The following CAMSAP1 variants were observed in gnomAD, a reference collection of about 807,000 sequenced individuals.
CAMSAP1 encodes the protein calmodulin regulated spectrin associated protein 1, also known as calmodulin-regulated spectrin-associated protein 1.
In CAMSAP1, 58 loss-of-function variants were observed where a neutral mutation model predicts 143.5. The ratio of observed to expected loss-of-function variants is 0.40; its 90% CI spans 0.33 to 0.50. CAMSAP1 has a LOEUF of 0.50. Among genes scored for constraint, CAMSAP1 ranks in the 20% least tolerant of loss-of-function variants. The pLI is 0.45. For synonymous variants in CAMSAP1, 945 were observed against 859.3 expected, an observed-to-expected ratio of 1.10 and a Z score of -1.74; for missense variants, 1,969 against 2,115.7, an observed-to-expected ratio of 0.93 and a Z score of 1.36.
rs766113695 is a variant in CAMSAP1 at position 135,827,538 on chromosome 9, G to T, written c.1092C>A (p.Ile364=). ...GGAAACTGCGTTTGGTCGCGTTGGA[G>T]ATCGGTACAGGAGGCCGGCTGCTCT... The part of the protein sequence containing the change: ...HQKSSRPPVP[I]SNATKRSFLG... The change falls in exon 8 of 17, where the codon ATC becomes ATA. Residue 364 remains isoleucine, a synonymous_variant. Transcript: ENST00000389532. 1.9e-5 allele frequency: 31 copies of T among 1,612,254 alleles called. No homozygotes were observed. Among genetic ancestry groups the T allele is most frequent in the Non-Finnish European group, 2.6e-5 (31 of 1,178,630 alleles).
intron 7 of CAMSAP1, among the ~76,000 whole-genome samples, chr9:135,841,308 T>A (rs1426589240): frequency 6.6e-6 from 1 of 152,136 alleles, no homozygotes. Context: ...AGATTCCTCC[T>A]CTCTGAGCAG....
chr9:135,874,426 C>T (rs993294491), intron 3 of CAMSAP1, among the ~76,000 whole-genome samples: 11 of 133,978 alleles, frequency 8.2e-5, no homozygotes, highest in Non-Finnish European at 9.2e-5. Flanking sequence ...GAGCTATGAT[C>T]GTACCACCTG....
At position 135,850,310 on chromosome 9, in the gene CAMSAP1, A is replaced by G; in HGVS notation, c.948+12T>C. 2 of 1,610,354 alleles carry G rather than the reference A, an allele frequency of 1.2e-6. No homozygotes were observed. Among genetic ancestry groups the G allele is most frequent in the Non-Finnish European group, 8.5e-7 (1 of 1,178,256 alleles). ...TGGTTTTAAAACTGCATGCCAAATA[A>G]TTCGTTATTACCTTCAACACTAATG... is the stretch of plus-strand genomic sequence containing the variant. On this transcript the variant is annotated intron_variant, in intron 6 of 16. Coordinates refer to ENST00000389532, the MANE Select transcript of CAMSAP1 (RefSeq NM_015447.4).
chr9:135,890,678 T>A (rs1588507661), intron 1 of CAMSAP1, among the ~76,000 whole-genome samples: 1 of 152,146 alleles, frequency 6.6e-6, no homozygotes, highest in Admixed American at 6.5e-5. Context: ...GGGCCTCGCG[T>A]GGGGTGACCA....
chr9:135,878,842 G>A (rs942957467), intron 3 of CAMSAP1, among the ~76,000 whole-genome samples: 10 of 152,108 alleles, frequency 6.6e-5, no homozygotes, highest in Admixed American at 3.9e-4. Context: ...AACCACTAAC[G>A]TAAGGAACTT....
At position 135,862,447 on chromosome 9, in the gene CAMSAP1, G is replaced by C. The variant is rs765186038; in HGVS notation, c.808+20C>G. On this transcript the variant is annotated intron_variant, in intron 5 of 16. Coordinates refer to ENST00000389532, the MANE Select transcript of CAMSAP1 (RefSeq NM_015447.4). ...TTTAAGCCTTTTCGGATCTGTTTCA[G>C]GGAAGCATTCTCCACTCACCATCCA... 647 of 1,550,298 alleles carry C rather than the reference G, an allele frequency of 4.2e-4. 2 individuals are homozygous for C. Among genetic ancestry groups the C allele is most frequent in the Non-Finnish European group, 5.2e-4 (594 of 1,146,430 alleles).
Position 135,821,472 on chromosome 9 carries a change from G to A in CAMSAP1, c.3189C>T (p.Asn1063=). 1.2e-6 allele frequency: 2 copies of A among 1,614,074 alleles called. No homozygotes were observed. Among genetic ancestry groups the A allele is most frequent in the Non-Finnish European group, 1.7e-6 (2 of 1,179,906 alleles). ...GTGCCTTCACTTTGTGGTCCTGCGA[G>A]TTATTCTTAGAGCCTGGCACTGGGA... ...PTVPVPGSKN[N]SQDHKVKAPV... Residue 1063 remains asparagine (N), a synonymous_variant, in exon 11 of 17, where the codon AAC becomes AAT. Transcript: ENST00000389532. The surrounding 1 kb of genome is among the most constrained non-coding windows in gnomAD (Gnocchi z 4.6).
Position 135,820,631 on chromosome 9 carries a change from C to T in CAMSAP1, c.3822+208G>A, listed in dbSNP as rs951151770. Among the ~76,000 whole-genome samples the T allele has an allele frequency of 1.3e-5, 2 of 152,190 alleles. No homozygotes were observed. The highest frequency in any genetic ancestry group is 4.1e-4 in the South Asian group (2 of 4,826). On this transcript the variant is annotated intron_variant, in intron 11 of 16. Transcript: ENST00000389532. The surrounding 1 kb of genome is among the most constrained non-coding windows in gnomAD (Gnocchi z 4.4). Reference sequence around the variant, plus strand: ...AGTCGTCTCAGCCACACCACGCTCACTTGCATGCGTATTGCCCGGGACTGC... The same window carrying T: ...AGTCGTCTCAGCCACACCACGCTCATTTGCATGCGTATTGCCCGGGACTGC...
chr9:135,907,101 G>A lies in CAMSAP1; in HGVS notation c.59C>T (p.Pro20Leu), dbSNP rs1235080551. Residue 20 changes from proline to leucine, a missense_variant, in exon 1 of 17, where the codon CCG becomes CTG. Transcript: ENST00000389532. The stretch of plus-strand genomic sequence containing the variant: ...GGGCACGAGGTCGGCGGCGCCGTCC[G>A]GCGGGGCCTCCATCTTCCTCCAGCC... ...AEGWRKMEAP[P>L]DGAADLVPLD... The A allele has an allele frequency of 2.6e-6, 3 of 1,143,126 alleles. No homozygotes were observed. Among genetic ancestry groups the A allele is most frequent in the African/African-American group, 3.3e-5 (2 of 60,212 alleles). The allele number at this position is 1,143,126 out of a possible 1,614,324, so 70.8% of individuals were successfully genotyped here.
intron 1 of CAMSAP1, among the ~76,000 whole-genome samples, chr9:135,898,518 T>C (rs1050802483): frequency 1.3e-5 from 2 of 152,084 alleles, no homozygotes; most frequent in African/African-American, 4.8e-5. Flanking sequence ...TATATATATA[T>C]ACACAATTAA....
At chr9:135,906,511 T>C (rs1267707898) in intron 1 of CAMSAP1, among the ~76,000 whole-genome samples, 1 of 152,252 alleles carries the variant, frequency 6.6e-6, no homozygotes, top group Admixed American at 6.5e-5. Flanking sequence ...TTAAGCACAA[T>C]GCGCGGAATA....
chr9:135,823,328 G>C (rs146206874), intron 10 of CAMSAP1, 68 bp from the exon 11 acceptor site: 24 of 1,488,520 alleles, frequency 1.6e-5, no homozygotes, highest in African/African-American at 2.8e-5. Context: ...ATGGACCAGG[G>C]GGTGAGAATG....
chr9:135,831,405 G>A (rs992245191), intron 7 of CAMSAP1, among the ~76,000 whole-genome samples: 1 of 152,152 alleles, frequency 6.6e-6, no homozygotes, highest in East Asian at 1.9e-4. Context: ...AGACTGAAGT[G>A]GGAGGACTGC....
At chr9:135,862,916 G>A (rs1444550788) in intron 4 of CAMSAP1, among the ~76,000 whole-genome samples, 6 of 152,186 alleles carry the variant, frequency 3.9e-5, no homozygotes, top group African/African-American at 7.2e-5. Context: ...AGGCACACAC[G>A]GGAAAGGACA....
intron 14 of CAMSAP1, among the ~76,000 whole-genome samples, chr9:135,817,012 C>T (rs563595803): frequency 7.2e-5 from 11 of 152,154 alleles, no homozygotes; most frequent in Non-Finnish European, 7.3e-5. Flanking sequence ...CAATCAGCAG[C>T]GCGAGGCCTC....
At chr9:135,860,597 C>T (rs1002150508) in intron 5 of CAMSAP1, among the ~76,000 whole-genome samples, 1 of 62,050 alleles carries the variant, frequency 1.6e-5, no homozygotes, top group African/African-American at 6.4e-5. Context: ...GACTCTGCCT[C>T]AAAAAAAAAA....
At position 135,816,822 on chromosome 9, in the gene CAMSAP1, G is replaced by A. The variant is rs186690159; in HGVS notation, c.4272-817C>T. Among the ~76,000 whole-genome samples, 522 of 152,350 alleles carry A rather than the reference G, an allele frequency of 3.4e-3. 3 individuals are homozygous for A. Among genetic ancestry groups the A allele is most frequent in the Middle Eastern group, 0.014 (4 of 294 alleles). ...GCTCCCACGAGAGCTGACAACACGC[G>A]TGGAGGAAGCGGTGAGCAGGAGCTC... is the stretch of plus-strand genomic sequence containing the variant. On this transcript the variant is annotated intron_variant, in intron 14 of 16. Transcript: ENST00000389532.
At chr9:135,841,276 G>A (rs765469510) in intron 7 of CAMSAP1, among the ~76,000 whole-genome samples, 3 of 152,210 alleles carry the variant, frequency 2.0e-5, no homozygotes, top group Admixed American at 6.5e-5. Flanking sequence ...GGGCAAAGCC[G>A]CTGTAGCCAG....
intron 3 of CAMSAP1, among the ~76,000 whole-genome samples, chr9:135,874,597 A>G (rs1225412671): frequency 6.6e-6 from 1 of 152,212 alleles, no homozygotes; most frequent in Non-Finnish European, 1.5e-5. Context: ...CCCTAAGATG[A>G]AATACAAGCA....
Sources: gnomAD v4.1 joint callset for allele counts (sites outside exome capture counted in the v4.1 genomes callset) on GRCh38, gnomAD v4.1.1 for gene constraint, Gnocchi (gnomAD v3.1) non-coding constraint, MANE v1.5 for transcripts, NCBI Gene and HGNC (gene_info 2026-07-23, HGNC 2026-07-21) for gene names.